Variants in ALKBH5 observed in about 807,000 individuals in gnomAD.
ALKBH5 encodes the protein alkB homolog 5, RNA demethylase, also known as RNA demethylase ALKBH5.
Under a neutral mutation model 32.1 loss-of-function variants are expected in ALKBH5, and 2 were observed. That is an observed-to-expected ratio of 0.06 (90% CI 0.03 to 0.20). The LOEUF is 0.20. Ranked by LOEUF, ALKBH5 falls within the 10% of genes least tolerant of loss-of-function variation. The pLI is 1.00. For synonymous variants in ALKBH5, 300 were observed against 231.7 expected (o/e 1.29, Z -2.68); for missense variants, 352 against 559.5 (o/e 0.63, Z 3.74).
rs749137043 is a variant in ALKBH5 at position 18,184,507 on chromosome 17, C to T, written c.264C>T (p.Gly88=). The T allele has an allele frequency of 5.6e-6, 9 of 1,613,050 alleles. No homozygotes were observed. Among genetic ancestry groups the T allele is most frequent in the South Asian group, 3.3e-5 (3 of 91,084 alleles). The change falls in exon 1 of 4, where the codon GGC becomes GGT. Residue 88 remains glycine (G), a synonymous_variant. Coordinates refer to ENST00000399138, the MANE Select transcript of ALKBH5 (RefSeq NM_017758.4). ...AGGAGGCGCGCAAGGTGAAGAGCGG[C>T]ATCCGCCAGATGCGCCTCTTCAGCC... is the stretch of plus-strand genomic sequence containing the variant. ...KEEEARKVKS[G]IRQMRLFSQD... is the part of the protein sequence containing the mutation.
intron 2 of ALKBH5, among the ~76,000 whole-genome samples, chr17:18,205,106 G>A (rs936444030): frequency 6.6e-6 from 1 of 152,132 alleles, no homozygotes; most frequent in South Asian, 2.1e-4. Flanking sequence ...TCTGGTAGTT[G>A]CCCAGTACCA....
intron 2 of ALKBH5, among the ~76,000 whole-genome samples, chr17:18,200,986 A>G (rs4924841): frequency 0.33 from 50,055 of 151,860 alleles, 8,949 homozygotes; most frequent in Non-Finnish European, 0.41. Flanking sequence ...GCGAAGCTCA[A>G]TAGCTTACTT....
At chr17:18,207,453 G>A (rs1223022502) in intron 3 of ALKBH5, among the ~76,000 whole-genome samples, 1 of 152,168 alleles carries the variant, frequency 6.6e-6, no homozygotes, top group Non-Finnish European at 1.5e-5. Context: ...ACGAGGTCAG[G>A]TGATCGAGAC....
chr17:18,186,081 T>C (rs539186495), intron 1 of ALKBH5, among the ~76,000 whole-genome samples: 1 of 152,236 alleles, frequency 6.6e-6, no homozygotes, highest in South Asian at 2.1e-4. Flanking sequence ...CTTCTTGATA[T>C]GAGATTAGGT....
chr17:18,204,022 T>G (rs1723518585), intron 2 of ALKBH5, among the ~76,000 whole-genome samples: 1 of 152,126 alleles, frequency 6.6e-6, no homozygotes, highest in South Asian at 2.1e-4. Context: ...AGTCTTAGCT[T>G]TATGGGTACC....
At chr17:18,187,461 C>T (rs1040248826) in intron 1 of ALKBH5, among the ~76,000 whole-genome samples, 5 of 152,082 alleles carry the variant, frequency 3.3e-5, no homozygotes, top group Non-Finnish European at 5.9e-5. Context: ...TGAGGCTGTT[C>T]GTGCATTGTA....
In ALKBH5 at chr17:18,184,410, C is replaced by T. The variant is rs1440574837; in HGVS notation, c.167C>T (p.Ala56Val). The T allele has an allele frequency of 1.9e-6, 3 of 1,573,870 alleles. No homozygotes were observed. Among genetic ancestry groups the T allele is most frequent in the South Asian group, 1.1e-5 (1 of 87,482 alleles). Reference sequence around the variant, plus strand: ...GCCGAACCTTACCCTGTGTCCGGGGCCAAGCGCAAGTATCAGGAGGACTCG... The same window carrying T: ...GCCGAACCTTACCCTGTGTCCGGGGTCAAGCGCAAGTATCAGGAGGACTCG... The part of the protein sequence containing the change: ...AAAEPYPVSG[A>V]KRKYQEDSDP... The change falls in exon 1 of 4, where the codon GCC becomes GTC. Residue 56 changes from alanine to valine, a missense_variant. By Grantham distance (64) the Ala-to-Val change is moderately conservative. This residue lies in a region of ALKBH5 where 144 missense variants were observed against 125.8 expected (regional missense o/e 1.14). Transcript: ENST00000399138.
intron 2 of ALKBH5, among the ~76,000 whole-genome samples, chr17:18,198,126 A>G (rs1040610397): frequency 2.6e-5 from 4 of 152,174 alleles, no homozygotes; most frequent in African/African-American, 9.7e-5. Flanking sequence ...CATCGTTCAG[A>G]TTGACCATTT....
chr17:18,188,457 TC>T (rs2047153278), intron 1 of ALKBH5, among the ~76,000 whole-genome samples: 1 of 152,244 alleles, frequency 6.6e-6, no homozygotes, highest in African/African-American at 2.4e-5. Flanking sequence ...CCCTGTCAGT[TC>T]TGGGATAGTC....
chr17:18,208,778 A>G lies in ALKBH5; in HGVS notation c.*382A>G, dbSNP rs1199544723. ...GAAAATTATTTTGCTTTCAGTGTAAATCTTCGCAGTGTTCTAAACAAAGTT... is the reference window on the plus strand; with the variant it reads ...GAAAATTATTTTGCTTTCAGTGTAAGTCTTCGCAGTGTTCTAAACAAAGTT... On this transcript the variant is annotated 3_prime_UTR_variant, in exon 4 of 4. Coordinates refer to ENST00000399138, the MANE Select transcript of ALKBH5 (RefSeq NM_017758.4). The G allele has an allele frequency of 5.8e-6, 2 of 345,202 alleles. No homozygotes were observed. The highest frequency in any genetic ancestry group is 4.3e-5 in the African/African-American group (2 of 46,242). The allele number at this position is 345,202 out of a possible 1,614,324, so 21.4% of individuals were successfully genotyped here. A position where few individuals can be genotyped will look rare whatever the true frequency, so the allele number is the denominator to read the frequency against.
At position 18,184,139 on chromosome 17, in the gene ALKBH5, G is replaced by A; in HGVS notation, c.-105G>A. 9.4e-7 allele frequency: 1 copy of A among 1,061,546 alleles called. No homozygotes were observed. The highest frequency in any genetic ancestry group is 2.4e-5 in the Admixed American group (1 of 41,188). The allele number at this position is 1,061,546 out of a possible 1,614,324, so 65.8% of individuals were successfully genotyped here. A position where few individuals can be genotyped will look rare whatever the true frequency, so the allele number is the denominator to read the frequency against. On this transcript the variant is annotated 5_prime_UTR_variant, in exon 1 of 4. Transcript: ENST00000399138. ...CCCCACTCACGCATGGGGGTTCGGC[G>A]CTAAGGACCCCCCTCCCTCCGGGGG... is the stretch of plus-strand genomic sequence containing the variant.
At position 18,206,870 on chromosome 17, in the gene ALKBH5, C is replaced by T; in HGVS notation, c.907C>T (p.Pro303Ser). ...ETKSLSSSVL[P>S]PSYASDRLSG... is the part of the protein sequence containing the mutation. ...AAAGTCCCTGAGCAGCTCCGTGTTA[C>T]CACCCAGCTATGCTTCAGATCGCCT... is the stretch of plus-strand genomic sequence containing the variant. The change falls in exon 3 of 4, where the codon CCA becomes TCA. Residue 303 changes from proline (P) to serine (S), a missense_variant. Transcript: ENST00000399138. 2.5e-6 allele frequency: 4 copies of T among 1,614,224 alleles called. No homozygotes were observed. Among genetic ancestry groups the T allele is most frequent in the Non-Finnish European group, 3.4e-6 (4 of 1,180,034 alleles).
At chr17:18,190,474 A>C (rs2047166976) in intron 1 of ALKBH5, among the ~76,000 whole-genome samples, 1 of 150,764 alleles carries the variant, frequency 6.6e-6, no homozygotes, top group African/African-American at 2.4e-5. Context: ...GCTTGAACCC[A>C]GGAGCTAGAG....
Position 18,208,370 on chromosome 17 carries a change from C to G in ALKBH5, c.1159C>G (p.Arg387Gly), listed in dbSNP as rs267604766. The change falls in exon 4 of 4, where the codon CGA becomes GGA. Residue 387 changes from arginine (R) to glycine (G), a missense_variant. Arg to Gly is a moderately radical substitution (Grantham distance 125). Around this residue, in one of 4 missense-constraint regions of ALKBH5, gnomAD observed 124 missense variants for 142.4 expected, o/e 0.87. Coordinates refer to ENST00000399138, the MANE Select transcript of ALKBH5 (RefSeq NM_017758.4). ...DCSEAAGSPARKVKMRRH is the reference protein window; with the variant it reads ...DCSEAAGSPAGKVKMRRH Reference sequence around the variant, plus strand: ...CTCTGAGGCAGCAGGCAGCCCTGCCCGAAAGGTGAAGATGCGGCGGCACTG... The same window carrying G: ...CTCTGAGGCAGCAGGCAGCCCTGCCGGAAAGGTGAAGATGCGGCGGCACTG... The G allele has an allele frequency of 6.2e-7, 1 of 1,613,330 alleles. No individual in the cohort carries two copies. The highest frequency in any genetic ancestry group is 8.5e-7 in the Non-Finnish European group (1 of 1,179,610).
intron 2 of ALKBH5, among the ~76,000 whole-genome samples, chr17:18,205,648 C>T (rs2047265523): frequency 6.6e-6 from 1 of 152,176 alleles, no homozygotes; most frequent in South Asian, 2.1e-4. Context: ...CTGATCCTTC[C>T]CATCTATGTA....
chr17:18,202,335 A>C (rs912510305), intron 2 of ALKBH5, among the ~76,000 whole-genome samples: 5 of 152,060 alleles, frequency 3.3e-5, no homozygotes, highest in South Asian at 2.1e-4. Context: ...ACAAAAAAAA[A>C]CAGAAGTCTG....
intron 2 of ALKBH5, among the ~76,000 whole-genome samples, chr17:18,205,087 A>G (rs554195453): frequency 6.6e-6 from 1 of 152,138 alleles, no homozygotes; most frequent in Non-Finnish European, 1.5e-5. Context: ...TCTATTTCAC[A>G]TACTCATCTC....
rs952987013 is a variant in ALKBH5, at chr17:18,209,846, T to A, written c.*1450T>A. 6.6e-6 allele frequency: 1 copy of A among 152,662 alleles called. No individual in the cohort carries two copies. The highest frequency in any genetic ancestry group is 2.4e-5 in the African/African-American group (1 of 41,454). The allele number at this position is 152,662 out of a possible 1,614,324, so 9.5% of individuals were successfully genotyped here. A position where few individuals can be genotyped will look rare whatever the true frequency, so the allele number is the denominator to read the frequency against. On this transcript the variant is annotated 3_prime_UTR_variant, in exon 4 of 4. Coordinates refer to ENST00000399138, the MANE Select transcript of ALKBH5 (RefSeq NM_017758.4). ...CTGCATAATTAAAGCAGTTGCAGTT[T>A]TATTTTTTTTACAGCTTTTTTCCCA...
intron 1 of ALKBH5, among the ~76,000 whole-genome samples, chr17:18,185,912 A>G (rs563504747): frequency 6.6e-6 from 1 of 152,274 alleles, no homozygotes; most frequent in South Asian, 2.1e-4. Flanking sequence ...GTAATACCCA[A>G]AACATCTTAG....
Sources: gnomAD v4.1 joint callset for allele counts (sites outside exome capture counted in the v4.1 genomes callset) on GRCh38, gnomAD v4.1.1 for gene constraint, gnomAD v4.1.1 regional missense constraint, MANE v1.5 for transcripts, NCBI Gene and HGNC (gene_info 2026-07-23, HGNC 2026-07-21) for gene names.